Variants in TRPM8 observed in about 807,000 individuals in gnomAD.
TRPM8 encodes the protein TRPM8 cationic channel.
In TRPM8, 110 loss-of-function variants were observed where a neutral mutation model predicts 133.7. That is an observed-to-expected ratio of 0.82 (90% confidence interval 0.70 to 0.96). The LOEUF is 0.96. Ranked by LOEUF, TRPM8 falls within the 40% of genes least tolerant of loss-of-function variation. The pLI, the probability that TRPM8 is intolerant of heterozygous loss-of-function variation, is 0.00. For synonymous variants in TRPM8, 535 were observed against 532.3 expected, an observed-to-expected ratio of 1.01 and a Z score of -0.07; for missense variants, 1,291 against 1,379.5, an observed-to-expected ratio of 0.94 and a Z score of 1.02.
At chr2:233,965,230 G>T (rs1465016271) in intron 14 of TRPM8, among the ~76,000 whole-genome samples, 4 of 152,220 alleles carry the variant, frequency 2.6e-5, no homozygotes. Context: ...AGCAGCCTGA[G>T]TAGCATCTGG....
intron 7 of TRPM8, chr2:233,946,341 T>A (rs1691042989): frequency 4.2e-6 from 1 of 238,754 alleles, no homozygotes; most frequent in African/African-American, 2.2e-5. Context: ...AAATACGATC[T>A]ACAATGACAA....
intron 6 of TRPM8, 63 bp downstream of exon 6, chr2:233,942,811 G>A: frequency 6.2e-7 from 1 of 1,600,918 alleles, no homozygotes; most frequent in East Asian, 2.2e-5. Flanking sequence ...GCATGGGCCT[G>A]TGGCCTGAAC....
chr2:233,931,195 A>G (rs1691673373), intron 3 of TRPM8, among the ~76,000 whole-genome samples: 1 of 152,212 alleles, frequency 6.6e-6, no homozygotes, highest in Non-Finnish European at 1.5e-5. Flanking sequence ...GTTTTGGAAC[A>G]TTAAGGCTGG....
At chr2:233,994,222 A>G (rs1692349259) in intron 21 of TRPM8, among the ~76,000 whole-genome samples, 1 of 152,208 alleles carries the variant, frequency 6.6e-6, no homozygotes. Context: ...AGCCGCAGAA[A>G]CATGCAGTGC....
chr2:233,962,012 T>C (rs2125180249), intron 12 of TRPM8, among the ~76,000 whole-genome samples: 1 of 152,346 alleles, frequency 6.6e-6, no homozygotes. Flanking sequence ...AATAGCTGCA[T>C]GCTCCTGTCA....
intron 1 of TRPM8, among the ~76,000 whole-genome samples, chr2:233,923,952 T>C (rs906873725): frequency 6.6e-6 from 1 of 152,208 alleles, no homozygotes; most frequent in African/African-American, 2.4e-5. Context: ...AAGGGGAACA[T>C]GCTGGGCAGA....
At position 234,004,168 on chromosome 2, in the gene TRPM8, C is replaced by A. The variant is rs908168322; in HGVS notation, c.3131-2685C>A. Among the ~76,000 whole-genome samples, 3 of 152,118 alleles carry A rather than the reference C, an allele frequency of 2.0e-5. No individual in the cohort carries two copies. The East Asian group carries it at 5.8e-4, about 29-fold the overall frequency. ...TGGGAGAGTGGCGATCTCATAATAA[C>A]CAGAGAAATGGTGTGTTTAACTGTT... is the stretch of plus-strand genomic sequence containing the variant. On this transcript the variant is annotated intron_variant, in intron 22 of 25. Transcript: ENST00000324695.
At chr2:233,938,036 T>C (rs986616268) in intron 4 of TRPM8, among the ~76,000 whole-genome samples, 28 of 152,092 alleles carry the variant, frequency 1.8e-4, no homozygotes, top group African/African-American at 6.8e-4. Flanking sequence ...CAAACCCCCA[T>C]GGCATTCCTG....
At chr2:233,917,684 C>G (rs1157991660) in intron 1 of TRPM8, among the ~76,000 whole-genome samples, 1 of 152,176 alleles carries the variant, frequency 6.6e-6, no homozygotes, top group Admixed American at 6.5e-5. Context: ...TTTTGAATGA[C>G]TTTAAATATA....
intron 16 of TRPM8, 63 bp from the exon 17 acceptor site, chr2:233,970,147 G>A (rs186293560): frequency 1.4e-6 from 2 of 1,417,758 alleles, no homozygotes; most frequent in East Asian, 2.3e-5. Context: ...TTGGAAGGAG[G>A]GGAGGGCTGT....
chr2:233,973,432 G>C (rs775984891), intron 17 of TRPM8, among the ~76,000 whole-genome samples: 1 of 152,100 alleles, frequency 6.6e-6, no homozygotes, highest in Non-Finnish European at 1.5e-5. Flanking sequence ...TTGGCTTGTC[G>C]ATGCATCCCT....
chr2:233,969,544 A>G, intron 15 of TRPM8, 151 bp from the exon 16 acceptor site: 1 of 618,454 alleles, frequency 1.6e-6, no homozygotes, highest in Non-Finnish European at 2.9e-6. Flanking sequence ...TGCCCCTTAG[A>G]ATCCAGGCAA....
Position 233,955,256 on chromosome 2 carries a change from C to T in TRPM8, c.1362+6C>T, listed in dbSNP as rs758291445. The T allele has an allele frequency of 5.6e-6, 9 of 1,607,528 alleles. No individual in the cohort carries two copies. The highest frequency in any genetic ancestry group is 7.7e-6 in the Non-Finnish European group (9 of 1,174,230). ...CCAATGACCGCCGATGGGAGGTAAG[C>T]ACGAAGCTCTCCTGGGTTATTCCAG... On this transcript the variant is annotated splice_donor_region_variant and intron_variant, in intron 11 of 25. Transcript: ENST00000324695.
At chr2:233,967,221 T>C (rs996878841) in intron 15 of TRPM8, among the ~76,000 whole-genome samples, 2 of 152,234 alleles carry the variant, frequency 1.3e-5, no homozygotes, top group Non-Finnish European at 2.9e-5. Context: ...TTGCAGTTAT[T>C]ATTAGTAGTG....
chr2:233,960,872 T>C lies in TRPM8; in HGVS notation c.1459T>C (p.Phe487Leu). The change falls in exon 12 of 26, where the codon TTT (phenylalanine) becomes CTT (leucine). Residue 487 changes from phenylalanine (F) to leucine (L), a missense_variant. Coordinates refer to ENST00000324695, the MANE Select transcript of TRPM8 (RefSeq NM_024080.5). ...GGAGAATGGCTTGAACCTACGGAAG[T>C]TTCTCACCCATGATGTCCTCACTGA... Reference protein sequence around the residue: ...FLENGLNLRKFLTHDVLTELF... With the variant: ...FLENGLNLRKLLTHDVLTELF... The C allele has an allele frequency of 6.2e-7, 1 of 1,614,180 alleles. No homozygotes were observed. The highest frequency in any genetic ancestry group is 8.5e-7 in the Non-Finnish European group (1 of 1,180,028).
Position 233,953,901 on chromosome 2 carries a change from T to A in TRPM8, c.1141-16T>A. 6.2e-7 allele frequency: 1 copy of A among 1,602,248 alleles called. No homozygotes were observed. The highest frequency in any genetic ancestry group is 8.5e-7 in the Non-Finnish European group (1 of 1,172,242). Reference sequence around the variant, plus strand: ...TAAAATCTGTTGGCTGACACTTTGTTCTTTAATTTCGCCAGCTCAAAGAAA... The same window carrying A: ...TAAAATCTGTTGGCTGACACTTTGTACTTTAATTTCGCCAGCTCAAAGAAA... On this transcript the variant is annotated splice_polypyrimidine_tract_variant and intron_variant, in intron 9 of 25. Coordinates refer to ENST00000324695, the MANE Select transcript of TRPM8 (RefSeq NM_024080.5).
At position 233,998,138 on chromosome 2, in the gene TRPM8, T is replaced by G. The variant is rs59046407; in HGVS notation, c.3130+1622T>G. On this transcript the variant is annotated intron_variant, in intron 22 of 25. Coordinates refer to ENST00000324695, the MANE Select transcript of TRPM8 (RefSeq NM_024080.5). ...CTTAACCTCAGACCTAAGCCAAAGA[T>G]CCATCTCTGGGATGGGGATGTAGCT... is the stretch of plus-strand genomic sequence containing the variant. 6.1e-3 allele frequency among the ~76,000 whole-genome samples: 924 copies of G among 152,196 alleles called. 14 individuals carry two copies. Among genetic ancestry groups the G allele is most frequent in the African/African-American group, 0.021 (876 of 41,514 alleles).
intron 14 of TRPM8, among the ~76,000 whole-genome samples, chr2:233,965,208 C>T (rs966101694): frequency 4.6e-5 from 7 of 152,196 alleles, no homozygotes; most frequent in African/African-American, 1.7e-4. Context: ...GTTTCTTACT[C>T]ATGGCAAAAG....
At chr2:233,919,336 T>C (rs368545854) in intron 1 of TRPM8, among the ~76,000 whole-genome samples, 44 of 152,292 alleles carry the variant, frequency 2.9e-4, no homozygotes, top group African/African-American at 9.6e-4. Flanking sequence ...GCAAACAACA[T>C]GAGGTTTGTA....
Sources: allele counts gnomAD v4.1 joint callset (sites outside exome capture counted in the v4.1 genomes callset), GRCh38; gene constraint gnomAD v4.1.1; transcripts MANE v1.5; gene names NCBI Gene and HGNC (gene_info 2026-07-23, HGNC 2026-07-21).